The following SVEP1 variants were observed in gnomAD, a reference collection of about 807,000 sequenced individuals.
SVEP1 encodes sushi, von Willebrand factor type A, EGF and pentraxin domain-containing protein 1.
A neutral mutation model predicts 367.3 loss-of-function variants in SVEP1; 164 were observed. That is an observed-to-expected ratio of 0.45 (90% CI 0.39 to 0.51). SVEP1 has a LOEUF of 0.51. Ranked by LOEUF, SVEP1 falls within the 20% of genes least tolerant of loss-of-function variation. The pLI, the probability that SVEP1 is intolerant of heterozygous loss-of-function variation, is 0.00. For synonymous variants in SVEP1, 1,666 were observed against 1,611.6 expected, an observed-to-expected ratio of 1.03 and a Z score of -0.81; for missense variants, 4,117 against 4,425.3, an observed-to-expected ratio of 0.93 and a Z score of 1.98.
intron 39 of SVEP1, among the ~76,000 whole-genome samples, chr9:110,404,105 A>T (rs1188261369): frequency 1.3e-5 from 2 of 152,184 alleles, no homozygotes; most frequent in African/African-American, 4.8e-5. Context: ...TAGAAATCTT[A>T]ATATTTTACC....
rs540623500 is a variant in SVEP1, at chr9:110,487,790, A to C, written c.1930+1860T>G. ...ATCACAAATTAAAAATCTCACAATG[A>C]GGTAATACATTCATTACTTTTACTT... On this transcript the variant is annotated intron_variant, in intron 9 of 47. Coordinates refer to ENST00000374469, the MANE Select transcript of SVEP1 (RefSeq NM_153366.4). Among the ~76,000 whole-genome samples the C allele has an allele frequency of 2.6e-5, 4 of 152,282 alleles. 1 individual carries two copies. In the South Asian group the frequency reaches 8.3e-4, roughly 32 times the overall value.
intron 18 of SVEP1, among the ~76,000 whole-genome samples, chr9:110,461,352 C>A (rs1588065030): frequency 6.6e-6 from 1 of 152,076 alleles, no homozygotes; most frequent in African/African-American, 2.4e-5. Context: ...AGCTTTAAAG[C>A]CATTATAAAC....
chr9:110,377,155 G>A, intron 45 of SVEP1, 116 bp downstream of exon 45: 2 of 844,302 alleles, frequency 2.4e-6, no homozygotes, highest in Non-Finnish European at 3.7e-6. Flanking sequence ...TGTGGACAAG[G>A]ACTTACAGCA....
At chr9:110,463,473 A>G (rs1169663903) in intron 18 of SVEP1, among the ~76,000 whole-genome samples, 1 of 152,084 alleles carries the variant, frequency 6.6e-6, no homozygotes, top group East Asian at 1.9e-4. Context: ...TGCAAAAGCA[A>G]TGTCTTAGCA....
chr9:110,387,240 G>A (rs559268210), intron 42 of SVEP1, 45 bp downstream of exon 42: 5 of 1,516,664 alleles, frequency 3.3e-6, no homozygotes, highest in South Asian at 1.4e-5. Flanking sequence ...GAAGCTAATC[G>A]TGAAACTGAA....
chr9:110,480,906 G>A lies in SVEP1; in HGVS notation c.2365+336C>T, dbSNP rs563857375. On this transcript the variant is annotated intron_variant, in intron 12 of 47. Coordinates refer to ENST00000374469, the MANE Select transcript of SVEP1 (RefSeq NM_153366.4). Reference sequence around the variant, plus strand: ...CAAAATGCTGGGATTACGGGTATACGTCACCATGCCTGGCCACTATGAGAC... The same window carrying A: ...CAAAATGCTGGGATTACGGGTATACATCACCATGCCTGGCCACTATGAGAC... Among the ~76,000 whole-genome samples the A allele has an allele frequency of 8.2e-3, 1,247 of 151,958 alleles. 17 individuals are homozygous for A. The highest frequency in any genetic ancestry group is 0.029 in the African/African-American group (1,184 of 41,456).
chr9:110,372,428 G>T (rs1827292207), intron 46 of SVEP1, among the ~76,000 whole-genome samples: 1 of 152,132 alleles, frequency 6.6e-6, no homozygotes, highest in South Asian at 2.1e-4. Flanking sequence ...CTATGCTGAG[G>T]TAGCTGCTGT....
Position 110,407,414 on chromosome 9 carries a change from C to T in SVEP1, c.8186G>A (p.Arg2729His), listed in dbSNP as rs199859611. 221 of 1,613,816 alleles carry T rather than the reference C, an allele frequency of 1.4e-4. No individual in the cohort carries two copies. In the African/African-American group the frequency reaches 2.0e-3, roughly 14 times the overall value. ...ACTTCCCATGCTAGTCTCTGTAAAACGCAAAAAGCCATTTTCAGGAGCAGT... is the reference window on the plus strand; with the variant it reads ...ACTTCCCATGCTAGTCTCTGTAAAATGCAAAAAGCCATTTTCAGGAGCAGT... ...LPTAPENGFL[R>H]FTETSMGSAV... Residue 2729 changes from arginine to histidine, a missense_variant, in exon 38 of 48, where the codon CGT becomes CAT. By Grantham distance (29) the Arg-to-His change is conservative. Coordinates refer to ENST00000374469, the MANE Select transcript of SVEP1 (RefSeq NM_153366.4).
intron 27 of SVEP1, among the ~76,000 whole-genome samples, chr9:110,442,209 A>G (rs1828519154): frequency 6.6e-6 from 1 of 152,178 alleles, no homozygotes; most frequent in Admixed American, 6.5e-5. Context: ...GTGTGAAATT[A>G]CACAGCATTT....
In SVEP1 at chr9:110,432,481, G is replaced by A. The variant is rs376234432; in HGVS notation, c.5214C>T (p.Gly1738=). The A allele has an allele frequency of 3.1e-6, 5 of 1,612,720 alleles. No homozygotes were observed. Among genetic ancestry groups the A allele is most frequent in the Non-Finnish European group, 4.2e-6 (5 of 1,179,520 alleles). Reference sequence around the variant, plus strand: ...TCTCACCAAGGCAGGATGGTGAAACGCCGTTCCAGCTCCCATTATCTGTAC... The same window carrying A: ...TCTCACCAAGGCAGGATGGTGAAACACCGTTCCAGCTCCCATTATCTGTAC... ...MFCTDNGSWN[G]VSPSCLDVDE... Residue 1738 remains glycine (G), a synonymous_variant, in exon 31 of 48, where the codon GGC becomes GGT. Transcript: ENST00000374469.
intron 46 of SVEP1, among the ~76,000 whole-genome samples, chr9:110,372,872 G>C (rs893729873): frequency 5.9e-5 from 9 of 152,188 alleles, no homozygotes; most frequent in Admixed American, 6.5e-5. Flanking sequence ...AGAATTCAGG[G>C]TGGATGTGGA....
At chr9:110,429,796 A>T in intron 34 of SVEP1, 124 bp downstream of exon 34, 2 of 718,910 alleles carry the variant, frequency 2.8e-6, no homozygotes, top group Non-Finnish European at 4.7e-6. Context: ...TCATTCGATT[A>T]ATTACATATT....
intron 6 of SVEP1, among the ~76,000 whole-genome samples, chr9:110,501,724 G>C (rs891791253): frequency 6.6e-6 from 1 of 152,114 alleles, no homozygotes; most frequent in African/African-American, 2.4e-5. Flanking sequence ...ATCAATATGA[G>C]TTTTAAAACA....
At chr9:110,519,740 G>C (rs1159655676) in intron 3 of SVEP1, among the ~76,000 whole-genome samples, 1 of 152,164 alleles carries the variant, frequency 6.6e-6, no homozygotes, top group African/African-American at 2.4e-5. Flanking sequence ...TGGTGTGCAA[G>C]GAGAGTAGTA....
At chr9:110,380,836 G>T (rs1407648309) in intron 43 of SVEP1, among the ~76,000 whole-genome samples, 1 of 152,076 alleles carries the variant, frequency 6.6e-6, no homozygotes, top group Admixed American at 6.6e-5. Context: ...TTTTTTGGTT[G>T]TAGGCTATTT....
chr9:110,555,498 C>T (rs1236035872), intron 1 of SVEP1, among the ~76,000 whole-genome samples: 3 of 152,086 alleles, frequency 2.0e-5, no homozygotes, highest in African/African-American at 7.2e-5. Context: ...CAAATGAATG[C>T]TATTTTTAAT....
intron 3 of SVEP1, among the ~76,000 whole-genome samples, chr9:110,523,294 C>T (rs1189922519): frequency 1.3e-5 from 2 of 152,178 alleles, no homozygotes; most frequent in African/African-American, 4.8e-5. Context: ...AAGTTGAAAT[C>T]CTGTCACCCC....
chr9:110,394,924 C>T (rs1827732542), intron 40 of SVEP1, among the ~76,000 whole-genome samples: 1 of 152,226 alleles, frequency 6.6e-6, no homozygotes, highest in African/African-American at 2.4e-5. Context: ...TTGGAAAACA[C>T]TCTGCAGGAT....
intron 39 of SVEP1, among the ~76,000 whole-genome samples, chr9:110,401,531 TTATATA>T (rs558848264): frequency 2.0e-5 from 3 of 147,472 alleles, no homozygotes; most frequent in African/African-American, 4.9e-5. Context: ...AGAAAAAAAT[TTATATA>T]TATATATATA....
Sources: allele counts gnomAD v4.1 joint callset (sites outside exome capture counted in the v4.1 genomes callset), GRCh38; gene constraint gnomAD v4.1.1; transcripts MANE v1.5; gene names NCBI Gene and HGNC (gene_info 2026-07-23, HGNC 2026-07-21).